The following ADAMTSL1 variants were observed in gnomAD, a reference collection of about 807,000 sequenced individuals.
ADAMTSL1 encodes ADAMTS-like protein 1.
ADAMTSL1 carries 126 observed loss-of-function variants against 201.8 expected under a neutral mutation model. The ratio of observed to expected loss-of-function variants is 0.62; its 90% CI spans 0.54 to 0.72. The LOEUF is 0.72. ADAMTSL1 is among the 30% of genes least tolerant of loss of function. ADAMTSL1 has a pLI of 0.00. For synonymous variants in ADAMTSL1, 1,121 were observed against 903.4 expected, an observed-to-expected ratio of 1.24 and a Z score of -4.32; for missense variants, 2,679 against 2,277.8, an observed-to-expected ratio of 1.18 and a Z score of -3.59.
In ADAMTSL1 at chr9:18,776,644, T is replaced by C. The variant is rs75355595; in HGVS notation, c.2552-137T>C. ...ACCCCGAAGAATACTTTCTCTCCCG[T>C]CCTCCGGCACCTTCGTCTCTCCTTC... On this transcript the variant is annotated intron_variant, in intron 18 of 28. Coordinates refer to ENST00000380548, the MANE Select transcript of ADAMTSL1 (RefSeq NM_001040272.6). 4 of 1,033,086 alleles carry C rather than the reference T, an allele frequency of 3.9e-6. No homozygotes were observed. In the East Asian group the frequency reaches 1.1e-4, roughly 28 times the overall value. The allele number at this position is 1,033,086 out of a possible 1,614,324, so 64.0% of individuals were successfully genotyped here. A position where few individuals can be genotyped will look rare whatever the true frequency, so the allele number is the denominator to read the frequency against.
Position 18,249,165 on chromosome 9 carries a change from T to C in ADAMTSL1, c.207+85184T>C, listed in dbSNP as rs141902710. On this transcript the variant is annotated intron_variant, in intron 2 of 29. Coordinates refer to the ADAMTSL1 transcript ENST00000680146. ...CAAGGAAGCCATGTAAGCAGTTGTT[T>C]CGTTAATCCCAAATAAGGAATAGCA... Among the ~76,000 whole-genome samples the C allele has an allele frequency of 3.9e-5, 6 of 152,304 alleles. No individual in the cohort carries two copies. In the East Asian group the frequency reaches 1.2e-3, roughly 29 times the overall value.
intron 2 of ADAMTSL1, among the ~76,000 whole-genome samples, chr9:18,381,733 G>T (rs1837564064): frequency 6.6e-6 from 1 of 152,086 alleles, no homozygotes; most frequent in Admixed American, 6.5e-5. Flanking sequence ...AAAGAAAAAT[G>T]AGCCAATTTT....
intron 1 of ADAMTSL1, among the ~76,000 whole-genome samples, chr9:17,929,559 C>T (rs1658397035): frequency 3.3e-5 from 5 of 152,174 alleles, no homozygotes; most frequent in Admixed American, 3.3e-4. Context: ...CTCTTCCCCT[C>T]ACTCAGCTCC....
chr9:18,395,588 T>C (rs1482342570), intron 2 of ADAMTSL1, among the ~76,000 whole-genome samples: 2 of 152,128 alleles, frequency 1.3e-5, no homozygotes, highest in Admixed American at 6.6e-5. Flanking sequence ...GAATGAATGG[T>C]TGGAGAGTCA....
intron 10 of ADAMTSL1, among the ~76,000 whole-genome samples, chr9:18,679,482 G>A (rs1383774019): frequency 6.8e-6 from 1 of 147,744 alleles, no homozygotes; most frequent in East Asian, 2.0e-4. Context: ...TCAGAGCTGT[G>A]TAAAGCTCTG....
chr9:18,399,318 T>TACATATATATACATATAC (rs546368782), intron 2 of ADAMTSL1, among the ~76,000 whole-genome samples: 1 of 100,796 alleles, frequency 9.9e-6, no homozygotes, highest in African/African-American at 3.7e-5. Flanking sequence ...TATATATATA[T>TACATATATATACATATAC]ATATATATAT....
intron 1 of ADAMTSL1, among the ~76,000 whole-genome samples, chr9:17,931,929 T>C (rs1481033128): frequency 2.0e-5 from 3 of 152,172 alleles, no homozygotes; most frequent in Admixed American, 2.0e-4. Context: ...TCTTCCCCTG[T>C]GTATTTTCAA....
At chr9:18,390,782 A>G (rs911347549) in intron 2 of ADAMTSL1, among the ~76,000 whole-genome samples, 5 of 152,174 alleles carry the variant, frequency 3.3e-5, no homozygotes, top group African/African-American at 1.2e-4. Flanking sequence ...AGATAAATAC[A>G]AAAATACAAA....
intron 2 of ADAMTSL1, among the ~76,000 whole-genome samples, chr9:18,424,351 A>G (rs576298915): frequency 6.6e-6 from 1 of 152,302 alleles, no homozygotes; most frequent in African/African-American, 2.4e-5. Flanking sequence ...TAGACCAAAT[A>G]CTGTGCTAAG....
chr9:18,678,515 C>A (rs1022621581), intron 10 of ADAMTSL1, among the ~76,000 whole-genome samples: 1 of 152,070 alleles, frequency 6.6e-6, no homozygotes, highest in African/African-American at 2.4e-5. Context: ...CCTCATTTGT[C>A]TTTCTATGAT....
intron 7 of ADAMTSL1, among the ~76,000 whole-genome samples, chr9:18,656,994 T>C (rs1420904268): frequency 1.3e-5 from 2 of 152,222 alleles, no homozygotes; most frequent in Non-Finnish European, 2.9e-5. Context: ...GCAAATAAAT[T>C]GTTTTTAAGT....
At chr9:18,637,237 A>G (rs1210793501) in intron 6 of ADAMTSL1, among the ~76,000 whole-genome samples, 1 of 152,144 alleles carries the variant, frequency 6.6e-6, no homozygotes, top group Non-Finnish European at 1.5e-5. Flanking sequence ...TCACATGTCA[A>G]AAGATAATGT....
At chr9:18,048,080 T>C (rs1821754887) in intron 1 of ADAMTSL1, among the ~76,000 whole-genome samples, 3 of 152,250 alleles carry the variant, frequency 2.0e-5, no homozygotes, top group African/African-American at 7.2e-5. Flanking sequence ...GCTTCTGGCA[T>C]CATTATCTTG....
At chr9:18,809,710 AC>A (rs2131139710) in intron 20 of ADAMTSL1, among the ~76,000 whole-genome samples, 1 of 152,208 alleles carries the variant, frequency 6.6e-6, no homozygotes, top group Non-Finnish European at 1.5e-5. Context: ...AATTACTTGA[AC>A]CCAGGAGGCA....
At chr9:18,179,009 A>G (rs376245923) in intron 2 of ADAMTSL1, among the ~76,000 whole-genome samples, 5 of 152,378 alleles carry the variant, frequency 3.3e-5, no homozygotes, top group South Asian at 4.1e-4. Context: ...CACCAGCAAC[A>G]GAACAAAGCT....
At chr9:18,732,031 A>C (rs1818244780) in intron 15 of ADAMTSL1, among the ~76,000 whole-genome samples, 1 of 152,180 alleles carries the variant, frequency 6.6e-6, no homozygotes. Flanking sequence ...CTTATCTGTA[A>C]AACAAAGATA....
intron 4 of ADAMTSL1, among the ~76,000 whole-genome samples, chr9:18,618,588 A>G (rs573247004): frequency 1.3e-5 from 2 of 152,166 alleles, no homozygotes; most frequent in South Asian, 4.2e-4. Flanking sequence ...CTCACAAAAA[A>G]AAAAAAAAGA....
intron 1 of ADAMTSL1, among the ~76,000 whole-genome samples, chr9:18,112,063 C>T (rs188435530): frequency 4.8e-4 from 73 of 152,262 alleles, no homozygotes; most frequent in Admixed American, 1.2e-3. Flanking sequence ...TATTTCACCA[C>T]ACTTATGTAG....
intron 15 of ADAMTSL1, among the ~76,000 whole-genome samples, chr9:18,727,007 G>A (rs191497034): frequency 2.0e-5 from 3 of 152,290 alleles, no homozygotes; most frequent in Non-Finnish European, 2.9e-5. Context: ...TAAGAAACAC[G>A]TCTGAAAGGT....
Sources: allele counts gnomAD v4.1 joint callset (sites outside exome capture counted in the v4.1 genomes callset), GRCh38; gene constraint gnomAD v4.1.1; transcripts MANE v1.5; gene names NCBI Gene and HGNC (gene_info 2026-07-23, HGNC 2026-07-21).